The following NEXMIF variants were observed in gnomAD, a reference collection of about 807,000 sequenced individuals.
The protein encoded by NEXMIF is XLMR protein related to neurite extension.
NEXMIF carries 8 observed loss-of-function variants against 62.1 expected under a neutral mutation model. The observed-to-expected ratio is 0.13, with a 90% CI of 0.08 to 0.23. The LOEUF is 0.23. Among genes scored for constraint, NEXMIF ranks in the 10% least tolerant of loss-of-function variants. The pLI is 1.00. For missense variants in NEXMIF, 976 were observed against 1,113.3 expected, an observed-to-expected ratio of 0.88 and a Z score of 1.75; for synonymous variants, 404 against 416.6, an observed-to-expected ratio of 0.97 and a Z score of 0.37.
In NEXMIF at chrX:74,742,717, G is replaced by T; in HGVS notation, c.1840C>A (p.Pro614Thr). The change falls in exon 3 of 4, where the codon CCA (proline) becomes ACA (threonine). Residue 614 changes from proline to threonine, a missense_variant. By Grantham distance (38) the Pro-to-Thr change is conservative (BLOSUM62 -1). This residue lies in a region of NEXMIF where 639 missense variants were observed against 694.5 expected (regional missense o/e 0.92). Coordinates refer to ENST00000055682, the MANE Select transcript of NEXMIF (RefSeq NM_001008537.3). ...AGAAATGACACCTCAAAGCTACCTG[G>T]TTCAAAGCTTTGCTTTTGGGAAAAA... Reference protein sequence around the residue: ...TPFSQKQSFEPGSFEVSFLPP... With the variant: ...TPFSQKQSFETGSFEVSFLPP... 1 of 1,210,571 alleles carries T rather than the reference G, an allele frequency of 8.3e-7. No individual in the cohort carries two copies. Among genetic ancestry groups the T allele is most frequent in the Non-Finnish European group, 1.1e-6 (1 of 894,827 alleles).
chrX:74,802,913 C>T (rs921885282), intron 1 of NEXMIF, among the ~76,000 whole-genome samples: 6 of 109,562 alleles, frequency 5.5e-5, no homozygotes, highest in Admixed American at 9.8e-5. Context: ...AAAATGGAAC[C>T]GGCATACTGA....
At chrX:74,924,206 G>A (rs956913231) in intron 1 of NEXMIF, among the ~76,000 whole-genome samples, 3 of 111,836 alleles carry the variant, frequency 2.7e-5, no homozygotes, top group African/African-American at 9.8e-5. Context: ...GCCGACGTGT[G>A]CTGCGGGGCG....
intron 1 of NEXMIF, among the ~76,000 whole-genome samples, chrX:74,865,961 A>G (rs1458539644): frequency 4.5e-5 from 5 of 111,507 alleles, no homozygotes; most frequent in Non-Finnish European, 7.5e-5. Context: ...GAACTGTGGA[A>G]GGCAAATATG....
chrX:74,818,994 C>G (rs1025381834), intron 1 of NEXMIF, among the ~76,000 whole-genome samples: 10 of 111,522 alleles, frequency 9.0e-5, no homozygotes, highest in Non-Finnish European at 1.7e-4. Context: ...ATATATAGAC[C>G]AACGGAACAG....
At chrX:74,837,048 C>A (rs1003557102) in intron 1 of NEXMIF, among the ~76,000 whole-genome samples, 1 of 111,125 alleles carries the variant, frequency 9.0e-6, no homozygotes, top group Non-Finnish European at 1.9e-5. Context: ...CTGACTGAGC[C>A]CAGCATGGCT....
chrX:74,845,269 G>T (rs2080488121), intron 1 of NEXMIF, among the ~76,000 whole-genome samples: 1 of 111,224 alleles, frequency 9.0e-6, no homozygotes, highest in Non-Finnish European at 1.9e-5. Flanking sequence ...CACACACCTT[G>T]CACTGCCACT....
At position 74,740,171 on chromosome X, in the gene NEXMIF, AC is replaced by A. The variant is rs1432920066; in HGVS notation, c.4385del (p.Cys1462LeufsTer24). 1 of 1,210,750 alleles carries A rather than the reference AC, an allele frequency of 8.3e-7. No homozygotes were observed. The highest frequency in any genetic ancestry group is 2.2e-5 in the Admixed American group (1 of 45,976). On this transcript the variant is annotated frameshift_variant, in exon 3 of 4. Transcript: ENST00000055682. LOFTEE classifies it high-confidence loss of function. ...GTTCTCGCTCCATGTGCTTTCCCTT[AC>A]ATTTCTCATCTCTCAGGGCCTTGGA... ...SSSKALRDEK[C>X]KGKHMEREQV... is the part of the protein sequence containing the mutation.
At chrX:74,745,784 G>C (rs2080124349) in intron 1 of NEXMIF, 87 bp from the exon 2 acceptor site, 1 of 464,101 alleles carries the variant, frequency 2.2e-6, no homozygotes, top group Admixed American at 3.5e-5. Context: ...GGTCTTAAAA[G>C]GCTCACTGGG....
chrX:74,892,846 C>T (rs774920092), intron 1 of NEXMIF, among the ~76,000 whole-genome samples: 2 of 112,013 alleles, frequency 1.8e-5, no homozygotes, highest in South Asian at 3.7e-4. Flanking sequence ...GGGAATGGAA[C>T]GTCAGAGGCA....
intron 1 of NEXMIF, among the ~76,000 whole-genome samples, chrX:74,750,807 A>T (rs1248806250): frequency 1.8e-5 from 2 of 111,955 alleles, no homozygotes; most frequent in Admixed American, 9.5e-5. Context: ...CAACGATACA[A>T]GTTTTAACAA....
chrX:74,914,507 A>C (rs1407202740), intron 1 of NEXMIF, among the ~76,000 whole-genome samples: 1 of 111,080 alleles, frequency 9.0e-6, no homozygotes, highest in Non-Finnish European at 1.9e-5. Flanking sequence ...ACCTATCCCT[A>C]CTAAAAATAC....
intron 1 of NEXMIF, among the ~76,000 whole-genome samples, chrX:74,916,831 G>A (rs1410127385): frequency 2.7e-5 from 3 of 111,473 alleles, no homozygotes; most frequent in African/African-American, 6.5e-5. Context: ...TCATGCAGAT[G>A]GTAAAAAGAC....
chrX:74,857,528 C>A (rs780145454), intron 1 of NEXMIF, among the ~76,000 whole-genome samples: 4 of 112,308 alleles, frequency 3.6e-5, no homozygotes, highest in Non-Finnish European at 5.6e-5. Flanking sequence ...AGGTAGTACA[C>A]TGTGGGCCTT....
chrX:74,894,173 C>T (rs1257637829), intron 1 of NEXMIF, among the ~76,000 whole-genome samples: 3 of 110,633 alleles, frequency 2.7e-5, no homozygotes, highest in Non-Finnish European at 3.8e-5. Context: ...GTGGCACGCA[C>T]CTGTAGTCCC....
chrX:74,863,072 T>A (rs1348473771), intron 1 of NEXMIF, among the ~76,000 whole-genome samples: 2 of 109,354 alleles, frequency 1.8e-5, no homozygotes, highest in African/African-American at 6.7e-5. Context: ...TTCGGGAGGC[T>A]GAGGCATGAG....
intron 1 of NEXMIF, among the ~76,000 whole-genome samples, chrX:74,767,561 C>T (rs1180624019): frequency 1.8e-5 from 2 of 111,394 alleles, no homozygotes; most frequent in Non-Finnish European, 3.8e-5. Context: ...CAGTTGACTG[C>T]TCTAGTCAGT....
At chrX:74,874,999 T>A (rs2080623737) in intron 1 of NEXMIF, among the ~76,000 whole-genome samples, 1 of 111,363 alleles carries the variant, frequency 9.0e-6, no homozygotes, top group African/African-American at 3.3e-5. Context: ...TTCTCCTGCC[T>A]CATTGCCCTG....
In NEXMIF at chrX:74,869,164, C is replaced by T. The variant is rs1443271288; in HGVS notation, c.-48+55719G>A. Among the ~76,000 whole-genome samples, 3 of 111,630 alleles carry T rather than the reference C, an allele frequency of 2.7e-5. No individual in the cohort carries two copies. The East Asian group carries it at 8.4e-4, about 31-fold the overall frequency. The stretch of plus-strand genomic sequence containing the variant: ...TTATCCCAGGAATGAAAGGGTGGTT[C>T]AACATATGCAAATCAATCAATATCA... On this transcript the variant is annotated intron_variant, in intron 1 of 3. Transcript: ENST00000055682.
intron 1 of NEXMIF, among the ~76,000 whole-genome samples, chrX:74,786,881 A>C (rs754042029): frequency 1.5e-4 from 17 of 110,429 alleles, no homozygotes; most frequent in Admixed American, 6.7e-4. Context: ...ACACACACAC[A>C]CCCCTATCAC....
Sources: allele counts gnomAD v4.1 joint callset (sites outside exome capture counted in the v4.1 genomes callset), GRCh38; gene constraint gnomAD v4.1.1; regional missense constraint gnomAD v4.1.1; transcripts MANE v1.5; gene names NCBI Gene and HGNC (gene_info 2026-07-23, HGNC 2026-07-21).